Variants in COP1 observed in about 807,000 individuals in gnomAD.
The protein encoded by COP1 is COP1 E3 ubiquitin ligase.
Under a neutral mutation model 101.3 loss-of-function variants are expected in COP1, and 24 were observed. That is an observed-to-expected ratio of 0.24 (90% CI 0.17 to 0.33). The LOEUF (loss-of-function observed/expected upper bound fraction) is 0.33. Among genes scored for constraint, COP1 ranks in the 10% least tolerant of loss-of-function variants. The pLI is 1.00. For synonymous variants in COP1, 347 were observed against 341.9 expected (o/e 1.01, Z -0.17); for missense variants, 663 against 906.2 (o/e 0.73, Z 3.45).
rs748900930 is a variant in COP1 at position 175,947,213 on chromosome 1, G to A, written c.2160C>T (p.Asn720=). 6.2e-6 allele frequency: 10 copies of A among 1,610,324 alleles called. No homozygotes were observed. In the South Asian group the frequency reaches 7.7e-5, roughly 12 times the overall value. ...AGCTTACCTTAATTGTACCCTGACT[G>A]TTAGCAGCAATCAGCACATTGGACT... ...DGESNVLIAA[N]SQGTIKVLEL... is the part of the protein sequence containing the mutation. Residue 720 remains asparagine, a synonymous_variant, in exon 19 of 20, where the codon AAC becomes AAT. Transcript: ENST00000367669.
rs550796589 is a variant in COP1, at chr1:176,001,954, A to C, written c.1730-12475T>G. 1.8e-4 allele frequency among the ~76,000 whole-genome samples: 28 copies of C among 152,268 alleles called. No individual in the cohort carries two copies. In the South Asian group the frequency reaches 5.6e-3, roughly 30 times the overall value. ...TAATGATTTCTGACGAGAAGTCATC[A>C]GAAATATTAACATTAATCTTAATGA... On this transcript the variant is annotated intron_variant, in intron 15 of 19. Coordinates refer to ENST00000367669, the MANE Select transcript of COP1 (RefSeq NM_022457.7).
intron 18 of COP1, among the ~76,000 whole-genome samples, chr1:175,957,282 G>T (rs902096766): frequency 6.6e-6 from 1 of 151,282 alleles, no homozygotes; most frequent in African/African-American, 2.4e-5. Context: ...ACTCCACCAA[G>T]CTCCATTCAT....
At chr1:176,206,519 A>T in intron 1 of COP1, 53 bp downstream of exon 1, 1 of 1,573,622 alleles carries the variant, frequency 6.4e-7, no homozygotes, top group Non-Finnish European at 8.6e-7. Context: ...CCCAAGCCTA[A>T]GCGGCAGAAA....
At chr1:176,047,289 G>T (rs986081369) in intron 11 of COP1, among the ~76,000 whole-genome samples, 1 of 152,038 alleles carries the variant, frequency 6.6e-6, no homozygotes, top group South Asian at 2.1e-4. Flanking sequence ...AAAACATTTT[G>T]CATGTATTAC....
intron 14 of COP1, among the ~76,000 whole-genome samples, chr1:176,040,409 T>C (rs944806405): frequency 6.6e-5 from 10 of 152,074 alleles, no homozygotes; most frequent in African/African-American, 1.7e-4. Context: ...CCTTGAATTA[T>C]TGGGCTCAAG....
intron 5 of COP1, among the ~76,000 whole-genome samples, chr1:176,150,398 A>G (rs1425585078): frequency 6.6e-6 from 1 of 152,114 alleles, no homozygotes; most frequent in Non-Finnish European, 1.5e-5. Context: ...GAAGATTGAA[A>G]TTTTTTCTTG....
chr1:176,201,040 C>G (rs1157325933), intron 1 of COP1, among the ~76,000 whole-genome samples: 1 of 152,134 alleles, frequency 6.6e-6, no homozygotes, highest in African/African-American at 2.4e-5. Context: ...ATCTGAAAAT[C>G]TGAAATCCAA....
At chr1:176,007,619 T>C (rs1423310737) in intron 15 of COP1, among the ~76,000 whole-genome samples, 1 of 151,852 alleles carries the variant, frequency 6.6e-6, no homozygotes, top group Admixed American at 6.6e-5. Context: ...GATGTCAGTG[T>C]GCCCCTGCTG....
intron 14 of COP1, among the ~76,000 whole-genome samples, chr1:176,037,660 T>C (rs148442194): frequency 6.2e-4 from 94 of 152,230 alleles, no homozygotes; most frequent in African/African-American, 1.9e-3. Flanking sequence ...TGAAAGTCAA[T>C]GACTATAATT....
chr1:176,015,979 C>T (rs1379173924), intron 15 of COP1, among the ~76,000 whole-genome samples: 1 of 151,850 alleles, frequency 6.6e-6, no homozygotes, highest in Non-Finnish European at 1.5e-5. Flanking sequence ...TTCAATTTAA[C>T]GTGAAGAATG....
chr1:175,965,586 T>TTTGTTTGTTTGA (rs778888742), intron 18 of COP1, among the ~76,000 whole-genome samples: 69 of 2,318 alleles, frequency 0.03, no homozygotes, highest in Admixed American at 0.23. Flanking sequence ...TTGTTTTGTT[T>TTTGTTTGTTTGA]TTGTTTGTTT....
At chr1:176,001,944 A>C (rs768438889) in intron 15 of COP1, among the ~76,000 whole-genome samples, 84 of 152,244 alleles carry the variant, frequency 5.5e-4, no homozygotes, top group Non-Finnish European at 3.4e-4. Context: ...ATTTCTGACG[A>C]GAAGTCATCA....
intron 18 of COP1, among the ~76,000 whole-genome samples, chr1:175,981,772 C>T (rs1655927110): frequency 6.6e-6 from 1 of 151,940 alleles, no homozygotes; most frequent in Non-Finnish European, 1.5e-5. Flanking sequence ...TTATAAGGAA[C>T]TCCAACACCT....
intron 2 of COP1, among the ~76,000 whole-genome samples, chr1:176,176,465 C>G (rs74341821): frequency 2.0e-5 from 3 of 152,162 alleles, no homozygotes; most frequent in East Asian, 3.9e-4. Flanking sequence ...ATCATCTTCA[C>G]GAGTCACAAA....
intron 9 of COP1, among the ~76,000 whole-genome samples, chr1:176,104,162 A>G (rs186197264): frequency 4.6e-5 from 7 of 152,288 alleles, no homozygotes; most frequent in Non-Finnish European, 1.0e-4. Flanking sequence ...AATTAAATCC[A>G]CATTTCAAAA....
intron 1 of COP1, among the ~76,000 whole-genome samples, chr1:176,191,850 C>T (rs1328540958): frequency 2.0e-5 from 3 of 152,068 alleles, no homozygotes; most frequent in Non-Finnish European, 2.9e-5. Context: ...TTTAACATTG[C>T]CTTAAGTCAC....
chr1:176,005,897 G>A (rs1400626562), intron 15 of COP1, among the ~76,000 whole-genome samples: 3 of 152,156 alleles, frequency 2.0e-5, no homozygotes, highest in South Asian at 2.1e-4. Flanking sequence ...CAATTCCTGG[G>A]TATCCTTGTT....
chr1:176,074,752 T>C (rs139826959), intron 11 of COP1, among the ~76,000 whole-genome samples: 1 of 144,268 alleles, frequency 6.9e-6, no homozygotes, highest in African/African-American at 2.6e-5. Flanking sequence ...AATGAAACCA[T>C]CTCTTCCCCA....
intron 8 of COP1, among the ~76,000 whole-genome samples, chr1:176,124,834 A>T (rs1687752340): frequency 1.3e-5 from 2 of 152,148 alleles, no homozygotes; most frequent in Non-Finnish European, 2.9e-5. Context: ...TTTCTTGAGG[A>T]ACCTCCAAAC....
Sources: allele counts gnomAD v4.1 joint callset (sites outside exome capture counted in the v4.1 genomes callset), GRCh38; gene constraint gnomAD v4.1.1; transcripts MANE v1.5; gene names NCBI Gene and HGNC (gene_info 2026-07-23, HGNC 2026-07-21).